PKNOX1: variants seen among roughly 807,000 people sequenced by gnomAD.
The protein encoded by PKNOX1 is PBX/knotted 1 homeobox 1, also known as homeobox protein PKNOX1.
In PKNOX1, 15 loss-of-function variants were observed where a neutral mutation model predicts 51.9. That is an observed-to-expected ratio of 0.29 (90% CI 0.19 to 0.45). The LOEUF is 0.45. PKNOX1 is among the 20% of genes least tolerant of loss of function. The pLI is 1.00. For synonymous variants in PKNOX1, 219 were observed against 211.1 expected, an observed-to-expected ratio of 1.04 and a Z score of -0.32; for missense variants, 462 against 547.5, an observed-to-expected ratio of 0.84 and a Z score of 1.56.
Position 43,018,474 on chromosome 21 carries a change from CCACACACACACA to C in PKNOX1, c.720+283_720+294del, listed in dbSNP as rs555017462. Among the ~76,000 whole-genome samples the C allele has an allele frequency of 5.1e-3, 74 of 14,450 alleles. 29 individuals carry two copies. Among genetic ancestry groups the C allele is most frequent in the African/African-American group, 0.021 (63 of 2,974 alleles). The allele number at this position is 14,450 out of a possible 152,430, so 9.5% of individuals were successfully genotyped here. A position where few individuals can be genotyped will look rare whatever the true frequency, so the allele number is the denominator to read the frequency against. ...GTCACTCATAACCACCCCCTGCCACCCACACACACACACACACACACACACACACACACACAC... is the reference window on the plus strand; with the variant it reads ...GTCACTCATAACCACCCCCTGCCACCCACACACACACACACACACACACAC... On this transcript the variant is annotated intron_variant, in intron 7 of 10. Transcript: ENST00000291547.
Position 43,030,349 on chromosome 21 carries a change from T to G in PKNOX1, c.*248T>G, listed in dbSNP as rs943601756. 3 of 331,404 alleles carry G rather than the reference T, an allele frequency of 9.1e-6. No homozygotes were observed. The highest frequency in any genetic ancestry group is 1.6e-5 in the Non-Finnish European group (3 of 182,894). 20.5% of individuals were successfully genotyped at this position (331,404 alleles called of 1,614,324 possible). On this transcript the variant is annotated 3_prime_UTR_variant, in exon 11 of 11. Transcript: ENST00000291547. Reference sequence around the variant, plus strand: ...AATTCTTTAAAGGTTTAACGCTAGATTGTGAGGAATGACACACCACTCCCT... The same window carrying G: ...AATTCTTTAAAGGTTTAACGCTAGAGTGTGAGGAATGACACACCACTCCCT...
At chr21:43,012,948 A>T in intron 4 of PKNOX1, 120 bp from the exon 5 acceptor site, 1 of 744,652 alleles carries the variant, frequency 1.3e-6, no homozygotes, top group Admixed American at 2.6e-5. Context: ...ATGTTATTCC[A>T]CTTTGGTTAT....
At chr21:42,977,886 A>G (rs1034463788) in intron 1 of PKNOX1, among the ~76,000 whole-genome samples, 1 of 151,958 alleles carries the variant, frequency 6.6e-6, no homozygotes, top group African/African-American at 2.4e-5. Flanking sequence ...CTCAGCCTTC[A>G]TAGAATTGAA....
Position 43,024,917 on chromosome 21 carries a change from C to T in PKNOX1, c.896C>T (p.Thr299Ile), listed in dbSNP as rs1302077628. The T allele has an allele frequency of 6.2e-7, 1 of 1,611,982 alleles. No individual in the cohort carries two copies. Among genetic ancestry groups the T allele is most frequent in the Non-Finnish European group, 8.5e-7 (1 of 1,178,266 alleles). The change falls in exon 9 of 11, where the codon ACA becomes ATA. Residue 299 changes from threonine to isoleucine, a missense_variant. Around this residue, in one of 5 missense-constraint regions of PKNOX1, gnomAD observed 75 missense variants for 129.8 expected, o/e 0.58. Coordinates refer to ENST00000291547, the MANE Select transcript of PKNOX1 (RefSeq NM_004571.5). ...EDEKKQIAAQ[T>I]NLTLLQVNNW... ...GAGAAAAAACAGATTGCTGCTCAGACAAATTTGACACTACTCCAAGTCAAC... is the reference window on the plus strand; with the variant it reads ...GAGAAAAAACAGATTGCTGCTCAGATAAATTTGACACTACTCCAAGTCAAC...
intron 1 of PKNOX1, among the ~76,000 whole-genome samples, chr21:42,990,345 G>T (rs1156560263): frequency 3.9e-5 from 6 of 152,218 alleles, no homozygotes; most frequent in Non-Finnish European, 8.8e-5. Flanking sequence ...GGTCTGGTCA[G>T]TCTGCATAGT....
rs2146275087 is a variant in PKNOX1, at chr21:43,013,251, G to A, written c.522+13G>A. 6.4e-7 allele frequency: 1 copy of A among 1,555,936 alleles called. No individual in the cohort carries two copies. Among genetic ancestry groups the A allele is most frequent in the Non-Finnish European group, 8.7e-7 (1 of 1,147,080 alleles). On this transcript the variant is annotated intron_variant, in intron 5 of 10. Transcript: ENST00000291547. The stretch of plus-strand genomic sequence containing the variant: ...AGTGCAGTCCCAGGTACTTACATTT[G>A]GGGGTCTCGCTTTCCCTCTCTGCCA...
intron 7 of PKNOX1, 112 bp downstream of exon 7, chr21:43,018,342 C>A: frequency 1.5e-6 from 1 of 647,590 alleles, no homozygotes. Flanking sequence ...TCTTGTGTAG[C>A]AATTTCTGGT....
rs376290612 is a variant in PKNOX1 at position 43,030,302 on chromosome 21, C to T, written c.*201C>T. The T allele has an allele frequency of 4.2e-4, 162 of 381,206 alleles. No individual in the cohort carries two copies. The East Asian group carries it at 6.1e-3, about 14-fold the overall frequency. 23.6% of individuals were successfully genotyped at this position (381,206 alleles called of 1,614,324 possible). On this transcript the variant is annotated 3_prime_UTR_variant, in exon 11 of 11. Coordinates refer to ENST00000291547, the MANE Select transcript of PKNOX1 (RefSeq NM_004571.5). ...GTGTGTGTGTGTGTGTGCGTGTGTGCGTGTGTGTGGATTTTTAAAGAAATT... is the reference window on the plus strand; with the variant it reads ...GTGTGTGTGTGTGTGTGCGTGTGTGTGTGTGTGTGGATTTTTAAAGAAATT...
At chr21:43,002,797 A>G (rs1450118013) in intron 1 of PKNOX1, among the ~76,000 whole-genome samples, 1 of 151,978 alleles carries the variant, frequency 6.6e-6, no homozygotes, top group African/African-American at 2.4e-5. Flanking sequence ...GCTCACTGCA[A>G]CCTCTGCCTC....
intron 5 of PKNOX1, among the ~76,000 whole-genome samples, chr21:43,013,731 G>A (rs948588627): frequency 3.3e-5 from 5 of 151,962 alleles, no homozygotes; most frequent in South Asian, 2.1e-4. Flanking sequence ...GGAACCCACC[G>A]TTCTACTGTC....
At chr21:42,987,404 A>AATATATATAT (rs1170402960) in intron 1 of PKNOX1, among the ~76,000 whole-genome samples, 13 of 41,404 alleles carry the variant, frequency 3.1e-4, no homozygotes, top group South Asian at 7.7e-4. Context: ...AAAAAAAAAA[A>AATATATATAT]ATATATATAT....
intron 4 of PKNOX1, 63 bp downstream of exon 4, chr21:43,010,287 C>A: frequency 1.0e-6 from 1 of 974,314 alleles, no homozygotes; most frequent in Non-Finnish European, 1.5e-6. Flanking sequence ...AAATTTTAGG[C>A]TTCTAAGTAG....
chr21:42,990,075 C>T (rs1224166400), intron 1 of PKNOX1, among the ~76,000 whole-genome samples: 1 of 143,854 alleles, frequency 7.0e-6, no homozygotes. Flanking sequence ...CCAGCCTGGG[C>T]AACAGAGCCA....
At chr21:43,029,800 G>A in intron 10 of PKNOX1, 90 bp from the exon 11 acceptor site, 2 of 1,100,792 alleles carry the variant, frequency 1.8e-6, no homozygotes, top group Non-Finnish European at 2.7e-6. Context: ...TTAACTTTAG[G>A]TCAAACGAGC....
At chr21:43,027,806 C>G (rs1980047287) in intron 9 of PKNOX1, among the ~76,000 whole-genome samples, 1 of 152,228 alleles carries the variant, frequency 6.6e-6, no homozygotes, top group Non-Finnish European at 1.5e-5. Context: ...GTCCCACCTA[C>G]TCAGGAGGCT....
intron 1 of PKNOX1, among the ~76,000 whole-genome samples, chr21:42,985,228 C>T (rs2059046173): frequency 6.6e-6 from 1 of 151,560 alleles, no homozygotes; most frequent in African/African-American, 2.4e-5. Context: ...CTCAGGTGAT[C>T]CACCCTCCTC....
chr21:43,002,537 G>T (rs1189579745), intron 1 of PKNOX1, among the ~76,000 whole-genome samples: 3 of 152,036 alleles, frequency 2.0e-5, no homozygotes, highest in African/African-American at 7.2e-5. Context: ...TCAGCCTCTG[G>T]CCATCGTGGT....
intron 1 of PKNOX1, among the ~76,000 whole-genome samples, chr21:42,986,017 A>AAAT (rs34594458): frequency 8.7e-4 from 128 of 147,598 alleles, no homozygotes; most frequent in Non-Finnish European, 9.8e-4. Flanking sequence ...AAAAAAAAAA[A>AAAT]TTAAAAAAAA....
intron 8 of PKNOX1, among the ~76,000 whole-genome samples, chr21:43,022,830 G>T (rs1979822133): frequency 6.6e-6 from 1 of 152,166 alleles, no homozygotes; most frequent in African/African-American, 2.4e-5. Flanking sequence ...GCTCTAAGCA[G>T]TCGGGAGGTT....
Sources: allele counts gnomAD v4.1 joint callset (sites outside exome capture counted in the v4.1 genomes callset), GRCh38; gene constraint gnomAD v4.1.1; regional missense constraint gnomAD v4.1.1; transcripts MANE v1.5; gene names NCBI Gene and HGNC (gene_info 2026-07-23, HGNC 2026-07-21).